G3BP2: variants seen among roughly 807,000 people sequenced by gnomAD.
G3BP2 encodes ras GTPase-activating protein-binding protein 2.
Under a neutral mutation model 56.7 loss-of-function variants are expected in G3BP2, and 11 were observed. The ratio of observed to expected loss-of-function variants is 0.19; its 90% CI spans 0.12 to 0.32. G3BP2 has a LOEUF of 0.32. Among genes scored for constraint, G3BP2 ranks in the 10% least tolerant of loss-of-function variants. G3BP2 has a pLI of 1.00. For missense variants in G3BP2, 340 were observed against 610.9 expected (o/e 0.56, Z 4.67); for synonymous variants, 165 against 191.6 (o/e 0.86, Z 1.15).
intron 3 of G3BP2, among the ~76,000 whole-genome samples, chr4:75,709,283 G>A (rs578032851): frequency 9.2e-5 from 14 of 151,972 alleles, no homozygotes; most frequent in East Asian, 1.9e-4. Flanking sequence ...AGCCAGGTGC[G>A]GTGGTTGGCC....
At chr4:75,675,180 T>C (rs995270963), upstream of G3BP2, among the ~76,000 whole-genome samples, 1 of 152,172 alleles carries the variant, frequency 6.6e-6, no homozygotes, top group Non-Finnish European at 1.5e-5. Context: ...AACTATAGAA[T>C]ACTCCCATTG....
chr4:75,664,310 C>A (rs1403489127), intron 1 of G3BP2, among the ~76,000 whole-genome samples: 1 of 152,052 alleles, frequency 6.6e-6, no homozygotes, highest in Non-Finnish European at 1.5e-5. Context: ...GGTGCGGTGG[C>A]TGACGCCTGT....
At chr4:75,695,311 T>C (rs1186714616) in intron 3 of G3BP2, among the ~76,000 whole-genome samples, 1 of 152,144 alleles carries the variant, frequency 6.6e-6, no homozygotes, top group African/African-American at 2.4e-5. Flanking sequence ...AATTCTAAGA[T>C]CCACATAAGC....
intron 3 of G3BP2, among the ~76,000 whole-genome samples, chr4:75,715,535 G>A (rs1308827685): frequency 6.6e-6 from 1 of 152,192 alleles, no homozygotes; most frequent in African/African-American, 2.4e-5. Context: ...CTCAGCTGGG[G>A]CAGGCAAGTG....
chr4:75,648,769 T>TA (rs776538095), intron 8 of G3BP2, 28 bp from the exon 9 acceptor site: 2 of 1,389,256 alleles, frequency 1.4e-6, no homozygotes, highest in South Asian at 2.4e-5. Context: ...AAAAACATTA[T>TA]AAAAAACACT....
chr4:75,674,695 C>CATATATAT (rs1316726374), upstream of G3BP2, among the ~76,000 whole-genome samples: 4 of 60,692 alleles, frequency 6.6e-5, no homozygotes, highest in African/African-American at 1.1e-4. Flanking sequence ...TATGTATGTA[C>CATATATAT]ATATATATAT....
intron 3 of G3BP2, among the ~76,000 whole-genome samples, chr4:75,708,094 A>G (rs1199095586): frequency 6.6e-6 from 1 of 152,192 alleles, no homozygotes; most frequent in East Asian, 1.9e-4. Flanking sequence ...GTATTGCCTT[A>G]GGGAAGTACC....
chr4:75,661,826 C>T (rs1477106954), intron 2 of G3BP2, 105 bp downstream of exon 2: 2 of 632,498 alleles, frequency 3.2e-6, no homozygotes, highest in Admixed American at 5.6e-5. Context: ...GACATGTTTA[C>T]AAAGATACTG....
upstream of G3BP2, among the ~76,000 whole-genome samples, chr4:75,675,015 A>T (rs1733812655): frequency 6.6e-6 from 1 of 151,858 alleles, no homozygotes; most frequent in African/African-American, 2.4e-5. Flanking sequence ...GAGCCACCGC[A>T]CCCGGCCAGT....
chr4:75,652,012 T>C (rs1731732166), intron 8 of G3BP2, among the ~76,000 whole-genome samples: 1 of 152,156 alleles, frequency 6.6e-6, no homozygotes, highest in Admixed American at 6.6e-5. Flanking sequence ...CAAACTAAAA[T>C]TGAAGGATTA....
intron 1 of G3BP2, among the ~76,000 whole-genome samples, chr4:75,668,637 A>G (rs1367257358): frequency 4.6e-5 from 7 of 152,206 alleles, no homozygotes; most frequent in African/African-American, 9.6e-5. Context: ...ACATCCAAAA[A>G]AGTAAGATTA....
intron 3 of G3BP2, among the ~76,000 whole-genome samples, chr4:75,684,579 G>T (rs1169603035): frequency 6.6e-6 from 1 of 152,092 alleles, no homozygotes; most frequent in Non-Finnish European, 1.5e-5. Context: ...AGGCTGGAGT[G>T]CAGTGACTAT....
intron 7 of G3BP2, 46 bp from the exon 8 acceptor site, chr4:75,654,127 C>A: frequency 1.2e-6 from 1 of 864,840 alleles, no homozygotes; most frequent in East Asian, 2.4e-5. Context: ...TGGAAAACCA[C>A]CAACATTCCT....
At chr4:75,667,334 A>C (rs1733129819) in intron 1 of G3BP2, among the ~76,000 whole-genome samples, 1 of 152,038 alleles carries the variant, frequency 6.6e-6, no homozygotes, top group Non-Finnish European at 1.5e-5. Context: ...ATACTTATAC[A>C]CAAAAAGAAA....
chr4:75,676,336 A>ATTTTTTTTTTTTTTTTTTTTTTTTTT (rs34017434), upstream of G3BP2, among the ~76,000 whole-genome samples: 3 of 92,076 alleles, frequency 3.3e-5, no homozygotes, highest in African/African-American at 4.4e-5. Context: ...ATTGCCAATA[A>ATTTTTTTTTTTTTTTTTTTTTTTTTT]TTTTTTTTTT....
chr4:75,694,352 A>C (rs1719007637), intron 3 of G3BP2, among the ~76,000 whole-genome samples: 1 of 152,248 alleles, frequency 6.6e-6, no homozygotes, highest in African/African-American at 2.4e-5. Flanking sequence ...CTGGAATCCC[A>C]GCACTTTGGG....
chr4:75,661,899 T>A, intron 2 of G3BP2, 32 bp downstream of exon 2: 1 of 1,177,752 alleles, frequency 8.5e-7, no homozygotes, highest in South Asian at 1.2e-5. Flanking sequence ...AAAAAGTAGA[T>A]AAAAATACCA....
At chr4:75,678,685 C>T (rs1482564627) in intron 3 of G3BP2, among the ~76,000 whole-genome samples, 2 of 152,204 alleles carry the variant, frequency 1.3e-5, no homozygotes, top group African/African-American at 4.8e-5. Context: ...TCCAGAACCA[C>T]ACTGCCTGGA....
At chr4:75,680,123 T>C (rs762774299) in intron 3 of G3BP2, among the ~76,000 whole-genome samples, 11 of 152,316 alleles carry the variant, frequency 7.2e-5, no homozygotes, top group Non-Finnish European at 1.5e-4. Context: ...CACCAAGCAC[T>C]GTGACACAGA....
Sources: gnomAD v4.1 joint callset for allele counts (sites outside exome capture counted in the v4.1 genomes callset) on GRCh38, gnomAD v4.1.1 for gene constraint, MANE v1.5 for transcripts, NCBI Gene and HGNC (gene_info 2026-07-23, HGNC 2026-07-21) for gene names.